Variants in LAMA3 observed in about 807,000 individuals in gnomAD.
The protein encoded by LAMA3 is laminin subunit alpha-3.
A neutral mutation model predicts 402.0 loss-of-function variants in LAMA3; 281 were observed. That is an observed-to-expected ratio of 0.70 (90% CI 0.63 to 0.77). The LOEUF is 0.77. Ranked by LOEUF, LAMA3 falls within the 30% of genes least tolerant of loss-of-function variation. The probability of loss-of-function intolerance (pLI) is 0.00; values close to 1 mark genes in which losing one functional copy is unlikely to be tolerated. For synonymous variants in LAMA3, 1,431 were observed against 1,558.4 expected, an observed-to-expected ratio of 0.92 and a Z score of 1.93; for missense variants, 3,840 against 4,215.5, an observed-to-expected ratio of 0.91 and a Z score of 2.47.
At chr18:23,890,167 A>G in intron 42 of LAMA3, 50 bp downstream of exon 42, 1 of 1,207,678 alleles carries the variant, frequency 8.3e-7, no homozygotes, top group Non-Finnish European at 1.2e-6. Flanking sequence ...AGCTGGTATA[A>G]CTTAACAGCC....
intron 68 of LAMA3, 54 bp from the exon 69 acceptor site, chr18:23,943,734 T>C (rs1398863455): frequency 6.4e-7 from 1 of 1,550,562 alleles, no homozygotes; most frequent in African/African-American, 1.4e-5. Flanking sequence ...AGTGCTGAGA[T>C]TCGAAGGAAC....
chr18:23,857,888 C>T lies in LAMA3; in HGVS notation c.4181C>T (p.Ser1394Phe). 6.2e-7 allele frequency: 1 copy of T among 1,614,236 alleles called. No homozygotes were observed. The highest frequency in any genetic ancestry group is 2.2e-5 in the East Asian group (1 of 44,874). ...GGGCGGCAGTGTGACCGATGTGCTT[C>T]CGGGTTTTACCGCTTTCCTGAGTGT... ...ITGRQCDRCA[S>F]GFYRFPECVP... Residue 1394 changes from serine (S) to phenylalanine (F), a missense_variant, in exon 33 of 75, where the codon TCC (serine) becomes TTC (phenylalanine). This residue lies in a region of LAMA3 where 2,109 missense variants were observed against 2,376.0 expected (regional missense o/e 0.89). Coordinates refer to ENST00000313654, the MANE Select transcript of LAMA3 (RefSeq NM_198129.4).
Position 23,824,423 on chromosome 18 carries a change from G to A in LAMA3, c.2429G>A (p.Gly810Asp). 6.2e-7 allele frequency: 1 copy of A among 1,614,076 alleles called. No homozygotes were observed. Among genetic ancestry groups the A allele is most frequent in the Admixed American group, 1.7e-5 (1 of 60,022 alleles). Reference protein sequence around the residue: ...SGHITIYPSWGAAQSKEIIFL... With the variant: ...SGHITIYPSWDAAQSKEIIFL... ...AAGCAGTTCTTTGTATTTCTGATAGGTGCTGCTCAAAGCAAAGAGATCATC... is the reference window on the plus strand; with the variant it reads ...AAGCAGTTCTTTGTATTTCTGATAGATGCTGCTCAAAGCAAAGAGATCATC... Residue 810 changes from glycine (G) to aspartate (D), a missense_variant and splice_region_variant, in exon 21 of 75, where the codon GGT becomes GAT. Physicochemically the swap from Gly to Asp is moderately conservative, Grantham distance 94. Around this residue, in one of 3 missense-constraint regions of LAMA3, gnomAD observed 2,109 missense variants for 2,376.0 expected, o/e 0.89. Transcript: ENST00000313654.
At chr18:23,889,644 AG>A (rs1568303387) in intron 41 of LAMA3, among the ~76,000 whole-genome samples, 1 of 130,516 alleles carries the variant, frequency 7.7e-6, no homozygotes, top group Non-Finnish European at 1.6e-5. Flanking sequence ...AGAAGAGAAG[AG>A]GAAGGGAAGG....
intron 12 of LAMA3, among the ~76,000 whole-genome samples, chr18:23,788,459 T>C (rs559860161): frequency 6.6e-6 from 1 of 151,696 alleles, no homozygotes. Context: ...CTAGAAAATA[T>C]CTAATACAGA....
At chr18:23,698,526 C>T (rs558656262) in intron 1 of LAMA3, among the ~76,000 whole-genome samples, 11 of 152,288 alleles carry the variant, frequency 7.2e-5, no homozygotes, top group African/African-American at 2.6e-4. Flanking sequence ...TTATCTCTTG[C>T]CTGCACTGTC....
intron 62 of LAMA3, among the ~76,000 whole-genome samples, chr18:23,923,539 C>A (rs1351426541): frequency 3.3e-5 from 5 of 152,190 alleles, no homozygotes; most frequent in African/African-American, 1.2e-4. Context: ...GCAGATGGAA[C>A]ACACCAACGG....
intron 29 of LAMA3, 46 bp from the exon 30 acceptor site, chr18:23,844,963 G>A (rs1209101471): frequency 9.4e-7 from 1 of 1,065,428 alleles, no homozygotes; most frequent in Non-Finnish European, 1.5e-6. Flanking sequence ...CCTTAGGTCT[G>A]TGTCATCATT....
intron 34 of LAMA3, among the ~76,000 whole-genome samples, chr18:23,860,583 C>T (rs759962474): frequency 2.6e-5 from 4 of 151,274 alleles, no homozygotes; most frequent in Non-Finnish European, 5.9e-5. Flanking sequence ...TTAAAATTAA[C>T]TTCATAAAAC....
chr18:23,735,846 CTGTT>C (rs538154713), intron 2 of LAMA3, among the ~76,000 whole-genome samples: 20 of 152,216 alleles, frequency 1.3e-4, no homozygotes, highest in African/African-American at 4.1e-4. Context: ...GTGCTCTTCT[CTGTT>C]TCACCCTGAG....
At chr18:23,696,551 T>C (rs2060689705) in intron 1 of LAMA3, among the ~76,000 whole-genome samples, 1 of 152,108 alleles carries the variant, frequency 6.6e-6, no homozygotes, top group Admixed American at 6.6e-5. Context: ...CCCAGGTTGG[T>C]GTGCAGTGGT....
intron 58 of LAMA3, 22 bp downstream of exon 58, chr18:23,914,882 C>G: frequency 6.4e-7 from 1 of 1,573,428 alleles, no homozygotes; most frequent in Non-Finnish European, 8.7e-7. Flanking sequence ...TGTTATTTCA[C>G]TGAATTAAAT....
At chr18:23,693,902 G>C (rs1272938717) in intron 1 of LAMA3, among the ~76,000 whole-genome samples, 1 of 152,224 alleles carries the variant, frequency 6.6e-6, no homozygotes, top group Non-Finnish European at 1.5e-5. Context: ...TAAGTCAATG[G>C]AGCTGCCTAT....
intron 62 of LAMA3, among the ~76,000 whole-genome samples, chr18:23,927,361 T>G (rs1154230): frequency 0.72 from 109,372 of 151,888 alleles, 42,478 homozygotes; most frequent in Non-Finnish European, 0.89. Context: ...TAGAGTTAAG[T>G]TTTCACAATG....
At chr18:23,699,961 T>G (rs928491667) in intron 1 of LAMA3, among the ~76,000 whole-genome samples, 2 of 152,196 alleles carry the variant, frequency 1.3e-5, no homozygotes, top group African/African-American at 4.8e-5. Context: ...CTAATTTTGC[T>G]TTAAAGATAA....
chr18:23,827,164 C>A lies in LAMA3; in HGVS notation c.2670-150C>A, dbSNP rs1196560198. On this transcript the variant is annotated intron_variant, in intron 22 of 74. Coordinates refer to ENST00000313654, the MANE Select transcript of LAMA3 (RefSeq NM_198129.4). Reference sequence around the variant, plus strand: ...GCAGATGAAAATTTATTGCTTAATTCTTGTAGCAGACACTTAATAAGAGTT... The same window carrying A: ...GCAGATGAAAATTTATTGCTTAATTATTGTAGCAGACACTTAATAAGAGTT... 2.1e-5 allele frequency: 19 copies of A among 909,992 alleles called. No homozygotes were observed. In the Admixed American group the frequency reaches 3.4e-4, roughly 16 times the overall value. 56.4% of individuals were successfully genotyped at this position (909,992 alleles called of 1,614,324 possible).
chr18:23,873,124 G>A lies in LAMA3; in HGVS notation c.4998+1463G>A. On this transcript the variant is annotated intron_variant, in intron 38 of 74. Coordinates refer to ENST00000313654, the MANE Select transcript of LAMA3 (RefSeq NM_198129.4). ...GGGGCAGCCCTGGGGCAGTGTCTGG[G>A]CTACAGTTCACAGCAGCAAAGGGTG... 2.5e-6 allele frequency: 4 copies of A among 1,614,230 alleles called. No individual in the cohort carries two copies. The South Asian group carries it at 4.4e-5, about 18-fold the overall frequency.
At chr18:23,767,471 A>G (rs577272827) in intron 8 of LAMA3, among the ~76,000 whole-genome samples, 1 of 152,298 alleles carries the variant, frequency 6.6e-6, no homozygotes, top group African/African-American at 2.4e-5. Flanking sequence ...ACTATACAGA[A>G]TACAGAACTC....
intron 15 of LAMA3, 34 bp downstream of exon 15, chr18:23,814,536 A>G (rs1364754578): frequency 7.4e-7 from 1 of 1,348,638 alleles, no homozygotes; most frequent in Admixed American, 1.7e-5. Context: ...TTACTATATT[A>G]TAATGTTCTC....
Sources: allele counts gnomAD v4.1 joint callset (sites outside exome capture counted in the v4.1 genomes callset), GRCh38; gene constraint gnomAD v4.1.1; regional missense constraint gnomAD v4.1.1; transcripts MANE v1.5; gene names NCBI Gene and HGNC (gene_info 2026-07-23, HGNC 2026-07-21).